Variants in KIF24 observed in about 807,000 individuals in gnomAD.
The protein encoded by KIF24 is kinesin family member 24.
Under a neutral mutation model 118.9 loss-of-function variants are expected in KIF24, and 81 were observed. The observed-to-expected ratio is 0.68, with a 90% confidence interval of 0.57 to 0.82. The LOEUF (loss-of-function observed/expected upper bound fraction) is 0.82, where lower values mean the gene tolerates loss of function less well. Among genes scored for constraint, KIF24 ranks in the 40% least tolerant of loss-of-function variants. The pLI is 0.00. For synonymous variants in KIF24, 599 were observed against 610.0 expected, an observed-to-expected ratio of 0.98 and a Z score of 0.27; for missense variants, 1,560 against 1,661.6, an observed-to-expected ratio of 0.94 and a Z score of 1.06.
chr9:34,297,407 G>C (rs1234586638), intron 3 of KIF24, among the ~76,000 whole-genome samples: 1 of 152,200 alleles, frequency 6.6e-6, no homozygotes, highest in Non-Finnish European at 1.5e-5. Context: ...GTCTAGGAGA[G>C]AAAGTGAATT....
In KIF24 at chr9:34,257,388, C is replaced by G; in HGVS notation, c.2219G>C (p.Gly740Ala). 1.9e-6 allele frequency: 3 copies of G among 1,614,074 alleles called. No individual in the cohort carries two copies. The highest frequency in any genetic ancestry group is 2.5e-6 in the Non-Finnish European group (3 of 1,179,908). ...TTCAGAGGCAGGCCTAGCAGGCGTG[C>G]CCCTCTGGCTGTCTTGACTGTACTC... ...RAEYSQDSQRGTPARPASEAW... is the reference protein window; with the variant it reads ...RAEYSQDSQRATPARPASEAW... Residue 740 changes from glycine (G) to alanine (A), a missense_variant, in exon 11 of 13, where the codon GGC becomes GCC. By Grantham distance (60) the Gly-to-Ala change is moderately conservative. Around this residue, in one of 3 missense-constraint regions of KIF24, gnomAD observed 964 missense variants for 988.0 expected, o/e 0.98. Coordinates refer to ENST00000402558, the MANE Select transcript of KIF24 (RefSeq NM_194313.4).
Position 34,280,283 on chromosome 9 carries a change from C to CAAA in KIF24, c.1215+6331_1215+6333dup, listed in dbSNP as rs56387532. Reference sequence around the variant, plus strand: ...TGGGCGACAGGGCGAGACTCCGTCTCAAAAAAAAAAAAAAAAAAAAAAAAA... The same window carrying CAAA: ...TGGGCGACAGGGCGAGACTCCGTCTCAAAAAAAAAAAAAAAAAAAAAAAAAAAA... On this transcript the variant is annotated intron_variant, in intron 6 of 12. Transcript: ENST00000402558. Among the ~76,000 whole-genome samples, 225 of 64,448 alleles carry CAAA rather than the reference C, an allele frequency of 3.5e-3. 2 individuals carry two copies. The highest frequency in any genetic ancestry group is 4.0e-3 in the African/African-American group (49 of 12,228). The allele number at this position is 64,448 out of a possible 152,430, so 42.3% of individuals were successfully genotyped here.
At chr9:34,315,327 C>T (rs1405595927) in intron 1 of KIF24, among the ~76,000 whole-genome samples, 1 of 151,940 alleles carries the variant, frequency 6.6e-6, no homozygotes, top group African/African-American at 2.4e-5. Flanking sequence ...GTCTTTCTAG[C>T]CTTTTAAAAA....
chr9:34,264,780 C>G (rs1189940773), intron 8 of KIF24, among the ~76,000 whole-genome samples: 1 of 152,080 alleles, frequency 6.6e-6, no homozygotes, highest in African/African-American at 2.4e-5. Context: ...TTGGCTCCCT[C>G]TCTCACCCTC....
chr9:34,255,088 CTCATCAGCG>C lies in KIF24; in HGVS notation c.3941_3949del (p.Thr1314_Met1316del), dbSNP rs1834770012. 6.3e-7 allele frequency: 1 copy of C among 1,591,610 alleles called. No individual in the cohort carries two copies. Among genetic ancestry groups the C allele is most frequent in the South Asian group, 1.1e-5 (1 of 87,224 alleles). ...GCTACTTACATTAGAAGCCAGCTGGCTCATCAGCGTCTCCTCCTTGAAGCCGAGCTCAGC... is the reference window on the plus strand; with the variant it reads ...GCTACTTACATTAGAAGCCAGCTGGCTCTCCTCCTTGAAGCCGAGCTCAGC... On this transcript the variant is annotated inframe_deletion, in exon 12 of 13. Coordinates refer to ENST00000402558, the MANE Select transcript of KIF24 (RefSeq NM_194313.4).
chr9:34,308,712 A>G (rs1837024946), intron 2 of KIF24, among the ~76,000 whole-genome samples: 1 of 152,220 alleles, frequency 6.6e-6, no homozygotes, highest in Non-Finnish European at 1.5e-5. Context: ...TCAGGGCTCT[A>G]GGATGACTCA....
At chr9:34,278,948 T>A (rs1393674854) in intron 6 of KIF24, among the ~76,000 whole-genome samples, 3 of 152,056 alleles carry the variant, frequency 2.0e-5, no homozygotes, top group Non-Finnish European at 2.9e-5. Context: ...ACAAATTTTT[T>A]AAAAACATTA....
chr9:34,286,763 C>A, intron 5 of KIF24, 59 bp from the exon 6 acceptor site: 1 of 1,175,008 alleles, frequency 8.5e-7, no homozygotes, highest in Non-Finnish European at 1.3e-6. Flanking sequence ...TTTGTTCTTG[C>A]CTCCCCAGAA....
chr9:34,325,713 TAA>T (rs1333312192), intron 1 of KIF24, among the ~76,000 whole-genome samples: 2 of 151,758 alleles, frequency 1.3e-5, no homozygotes, highest in Non-Finnish European at 2.9e-5. Flanking sequence ...AATAAATAAA[TAA>T]AAGAGTGATT....
chr9:34,309,409 C>T (rs560443323), intron 2 of KIF24, among the ~76,000 whole-genome samples: 14 of 151,614 alleles, frequency 9.2e-5, no homozygotes, highest in African/African-American at 2.7e-4. Context: ...GGCATAGTGG[C>T]GGGCGCCTGT....
chr9:34,269,592 G>T (rs962963558), intron 7 of KIF24, among the ~76,000 whole-genome samples: 137 of 151,650 alleles, frequency 9.0e-4, no homozygotes, highest in African/African-American at 3.0e-3. Context: ...GCTAATTTTT[G>T]GTATTTTTAG....
chr9:34,322,002 T>C (rs1837541193), intron 1 of KIF24, among the ~76,000 whole-genome samples: 1 of 152,194 alleles, frequency 6.6e-6, no homozygotes, highest in Non-Finnish European at 1.5e-5. Flanking sequence ...CCTATAATAT[T>C]TGGTCCATGA....
chr9:34,254,123 G>A lies in KIF24; in HGVS notation c.*257C>T. 1 of 375,566 alleles carries A rather than the reference G, an allele frequency of 2.7e-6. No homozygotes were observed. Among genetic ancestry groups the A allele is most frequent in the Non-Finnish European group, 4.8e-6 (1 of 210,380 alleles). The allele number at this position is 375,566 out of a possible 1,614,324, so 23.3% of individuals were successfully genotyped here. On this transcript the variant is annotated 3_prime_UTR_variant, in exon 13 of 13. Transcript: ENST00000402558. ...AGTTAATCATATTCTCTAGGCACAA[G>A]GGAAAGGCATTAGGTTCTTCGGCCT...
chr9:34,282,294 A>G (rs937953470), intron 6 of KIF24, among the ~76,000 whole-genome samples: 13 of 152,338 alleles, frequency 8.5e-5, no homozygotes, highest in Non-Finnish European at 1.3e-4. Context: ...TGCATATTGT[A>G]TAATTCTGTT....
chr9:34,309,203 A>T (rs1837045373), intron 2 of KIF24, among the ~76,000 whole-genome samples: 1 of 152,228 alleles, frequency 6.6e-6, no homozygotes, highest in African/African-American at 2.4e-5. Flanking sequence ...ACTTATAAGT[A>T]ATTCCAATTT....
In KIF24 at chr9:34,263,286, C is replaced by A; in HGVS notation, c.1444-114G>T. The A allele has an allele frequency of 1.3e-5, 10 of 760,400 alleles. No individual in the cohort carries two copies. In the South Asian group the frequency reaches 1.3e-4, roughly 10 times the overall value. 47.1% of individuals were successfully genotyped at this position (760,400 alleles called of 1,614,324 possible). A position where few individuals can be genotyped will look rare whatever the true frequency, so the allele number is the denominator to read the frequency against. On this transcript the variant is annotated intron_variant, in intron 8 of 12. Transcript: ENST00000402558. ...CTTCAATAAACCACACTCAGACAAT[C>A]CTCCAAAAGGAAGTCAAAATGGCCT...
At chr9:34,294,129 A>T (rs1048374369) in intron 4 of KIF24, among the ~76,000 whole-genome samples, 1 of 151,904 alleles carries the variant, frequency 6.6e-6, no homozygotes, top group Non-Finnish European at 1.5e-5. Flanking sequence ...AATTAAAAAA[A>T]TTTTTTTTAG....
At chr9:34,261,889 C>T (rs1239265935) in intron 9 of KIF24, among the ~76,000 whole-genome samples, 1 of 152,130 alleles carries the variant, frequency 6.6e-6, no homozygotes, top group African/African-American at 2.4e-5. Context: ...CAGGTAGCTA[C>T]GTCACCCTAT....
At chr9:34,270,934 TA>T (rs899562473) in intron 7 of KIF24, among the ~76,000 whole-genome samples, 2,057 of 140,876 alleles carry the variant, frequency 0.015, 44 homozygotes, top group African/African-American at 0.045. Flanking sequence ...CCCTGTCTCT[TA>T]AAAAAAAAAA....
Sources: allele counts gnomAD v4.1 joint callset (sites outside exome capture counted in the v4.1 genomes callset), GRCh38; gene constraint gnomAD v4.1.1; regional missense constraint gnomAD v4.1.1; transcripts MANE v1.5; gene names NCBI Gene and HGNC (gene_info 2026-07-23, HGNC 2026-07-21).